PDE4DIP: variants seen among roughly 807,000 people sequenced by gnomAD.
PDE4DIP encodes the protein phosphodiesterase 4D interacting protein, also known as myomegalin.
A neutral mutation model predicts 221.4 loss-of-function variants in PDE4DIP; 59 were observed. That is an observed-to-expected ratio of 0.27 (90% confidence interval 0.22 to 0.33). The LOEUF (loss-of-function observed/expected upper bound fraction) is 0.33, where lower values mean the gene tolerates loss of function less well. Ranked by LOEUF, PDE4DIP falls within the 10% of genes least tolerant of loss-of-function variation. The pLI, the probability that PDE4DIP is intolerant of heterozygous loss-of-function variation, is 1.00. For synonymous variants in PDE4DIP, 404 were observed against 815.9 expected, an observed-to-expected ratio of 0.50 and a Z score of 8.60; for missense variants, 1,036 against 2,154.2, an observed-to-expected ratio of 0.48 and a Z score of 10.28.
intron 29 of PDE4DIP, among the ~76,000 whole-genome samples, chr1:149,009,083 G>A (rs2067803164): frequency 1.4e-5 from 2 of 147,934 alleles, no homozygotes; most frequent in Non-Finnish European, 3.0e-5. Context: ...TGTAGTGAAG[G>A]ACACAGTGGT....
At chr1:148,943,930 T>G (rs1367378223) in intron 5 of PDE4DIP, among the ~76,000 whole-genome samples, 1 of 151,764 alleles carries the variant, frequency 6.6e-6, no homozygotes, top group Non-Finnish European at 1.5e-5. Flanking sequence ...AGGGATTAGC[T>G]AACTCTCTGA....
chr1:148,961,520 C>T (rs1559012004), intron 6 of PDE4DIP, among the ~76,000 whole-genome samples: 1 of 152,062 alleles, frequency 6.6e-6, no homozygotes, highest in Non-Finnish European at 1.5e-5. Flanking sequence ...CTCTTTGGTC[C>T]TTGTATAAGG....
At chr1:148,971,650 G>A (rs1436653273) in intron 14 of PDE4DIP, among the ~76,000 whole-genome samples, 6 of 151,462 alleles carry the variant, frequency 4.0e-5, no homozygotes, top group Non-Finnish European at 5.9e-5. Context: ...ATTAACTAAA[G>A]TCACCATGCT....
intron 1 of PDE4DIP, among the ~76,000 whole-genome samples, chr1:148,917,874 T>TA (rs1333387512): frequency 2.0e-5 from 3 of 147,984 alleles, no homozygotes; most frequent in Admixed American, 6.7e-5. Flanking sequence ...TTAGCACCAT[T>TA]AAAAAAACTA....
At chr1:148,986,403 T>C (rs2061908328) in intron 21 of PDE4DIP, 1 of 152,208 alleles carries the variant, frequency 6.6e-6, no homozygotes, top group Non-Finnish European at 1.5e-5. Context: ...ATATAAGTGT[T>C]AGAATTTTAG....
At chr1:149,015,162 A>G (rs1553609414) in intron 32 of PDE4DIP, among the ~76,000 whole-genome samples, 1 of 152,180 alleles carries the variant, frequency 6.6e-6, no homozygotes, top group South Asian at 2.1e-4. Context: ...ACTTCTGCCT[A>G]TTAGAATTAC....
intron 9 of PDE4DIP, among the ~76,000 whole-genome samples, chr1:148,964,108 T>A (rs1553515589): frequency 1.5e-5 from 2 of 135,794 alleles, no homozygotes; most frequent in South Asian, 2.5e-4. Context: ...TCTTTCTTTC[T>A]TTCATTTTTT....
At chr1:149,032,260 C>A in exon 44 of PDE4DIP, 1 of 606,088 alleles carries the variant, frequency 1.6e-6, no homozygotes, top group South Asian at 2.0e-5. Context: ...GTAGTTTGCA[C>A]AGAAGGTTTT....
chr1:148,877,354 CTGAG>C (rs1178396723), intron 3 of PDE4DIP, among the ~76,000 whole-genome samples: 5 of 147,484 alleles, frequency 3.4e-5, no homozygotes, highest in South Asian at 2.1e-4. Flanking sequence ...TTCTTTATAA[CTGAG>C]TATTATATTT....
intron 5 of PDE4DIP, chr1:148,938,336 C>T (rs1553476832): frequency 6.4e-6 from 1 of 156,268 alleles, no homozygotes; most frequent in Non-Finnish European, 1.4e-5. Flanking sequence ...ATTAGCAGCC[C>T]TAATTACATC....
intron 5 of PDE4DIP, chr1:148,953,161 A>C (rs2151340228): frequency 6.2e-7 from 1 of 1,614,114 alleles, no homozygotes; most frequent in Non-Finnish European, 8.5e-7. Flanking sequence ...GATACTCTGC[A>C]CTGCTCCAGG....
chr1:148,976,183 A>C (rs868966829), intron 17 of PDE4DIP, among the ~76,000 whole-genome samples: 1 of 152,260 alleles, frequency 6.6e-6, no homozygotes, highest in Non-Finnish European at 1.5e-5. Flanking sequence ...TTTCAGGATC[A>C]TGAAATTGTA....
chr1:148,824,502 C>G (rs1320589080), intron 1 of PDE4DIP, among the ~76,000 whole-genome samples: 18 of 87,410 alleles, frequency 2.1e-4, no homozygotes, highest in African/African-American at 8.3e-4. Context: ...CCATCCCAGA[C>G]TCAAGGCGAG....
At chr1:148,996,306 C>G (rs1324297211) in intron 22 of PDE4DIP, among the ~76,000 whole-genome samples, 1 of 152,132 alleles carries the variant, frequency 6.6e-6, no homozygotes, top group Non-Finnish European at 1.5e-5. Context: ...TTAAGTTACT[C>G]GGAAAGAGTT....
chr1:149,017,945 A>C, intron 34 of PDE4DIP, 66 bp downstream of exon 37: 12 of 1,447,406 alleles, frequency 8.3e-6, no homozygotes, highest in Non-Finnish European at 1.2e-5. Flanking sequence ...AGCTTCACAG[A>C]TATTCTTTAC....
At chr1:148,889,192 CT>C (rs1697294584), upstream of PDE4DIP, among the ~76,000 whole-genome samples, 1 of 151,956 alleles carries the variant, frequency 6.6e-6, no homozygotes. Flanking sequence ...TGTACATGGT[CT>C]TTTCTATAGC....
intron 9 of PDE4DIP, among the ~76,000 whole-genome samples, chr1:148,963,982 T>G (rs1553515399): frequency 6.6e-6 from 1 of 151,818 alleles, no homozygotes; most frequent in Non-Finnish European, 1.5e-5. Context: ...ATGGTCTCGA[T>G]GTCCTGACCT....
At chr1:148,846,479 A>T (rs1088042) in intron 1 of PDE4DIP, among the ~76,000 whole-genome samples, 1 of 58,712 alleles carries the variant, frequency 1.7e-5, no homozygotes, top group African/African-American at 8.2e-5. Flanking sequence ...AAAAAAGACC[A>T]GGCGAGGTGG....
intron 17 of PDE4DIP, 136 bp from the exon 21 acceptor site, chr1:148,977,801 T>G: frequency 7.5e-7 from 1 of 1,324,974 alleles, no homozygotes; most frequent in Non-Finnish European, 1.0e-6. Flanking sequence ...GCATGGATTA[T>G]TGGTTTGATG....
Sources: gnomAD v4.1 joint callset for allele counts (sites outside exome capture counted in the v4.1 genomes callset) on GRCh38, gnomAD v4.1.1 for gene constraint, MANE v1.5 for transcripts, NCBI Gene and HGNC (gene_info 2026-07-23, HGNC 2026-07-21) for gene names.